The following FAM168A variants were observed in gnomAD, a reference collection of about 807,000 sequenced individuals.
FAM168A encodes the protein family with sequence similarity 168 member A.
In FAM168A, 3 loss-of-function variants were observed where a neutral mutation model predicts 28.5. The ratio of observed to expected loss-of-function variants is 0.11; its 90% confidence interval spans 0.05 to 0.27. The LOEUF is 0.27. Among genes scored for constraint, FAM168A ranks in the 10% least tolerant of loss-of-function variants. The pLI is 1.00. For synonymous variants in FAM168A, 122 were observed against 124.2 expected, an observed-to-expected ratio of 0.98 and a Z score of 0.12; for missense variants, 222 against 311.5, an observed-to-expected ratio of 0.71 and a Z score of 2.16.
chr11:73,572,895 A>T (rs1408693362), intron 1 of FAM168A, among the ~76,000 whole-genome samples: 2 of 135,880 alleles, frequency 1.5e-5, no homozygotes, highest in Non-Finnish European at 3.2e-5. Context: ...TAAATAAATA[A>T]TTAATTAAAC....
chr11:73,570,883 T>C (rs962761007), intron 1 of FAM168A, among the ~76,000 whole-genome samples: 3 of 152,208 alleles, frequency 2.0e-5, no homozygotes, highest in African/African-American at 7.2e-5. Flanking sequence ...CTGGGGCCTA[T>C]GGAAACCCAT....
chr11:73,525,983 C>T (rs1278047954), intron 1 of FAM168A, among the ~76,000 whole-genome samples: 1 of 152,102 alleles, frequency 6.6e-6, no homozygotes, highest in Admixed American at 6.6e-5. Flanking sequence ...TAAATTTTAA[C>T]TGGTAGTGTT....
intron 3 of FAM168A, among the ~76,000 whole-genome samples, chr11:73,422,749 T>C (rs1019396678): frequency 6.6e-6 from 1 of 152,128 alleles, no homozygotes; most frequent in Non-Finnish European, 1.5e-5. Context: ...AAGTGTACTT[T>C]ATATACTTTG....
chr11:73,474,238 G>C (rs753766830), intron 1 of FAM168A, among the ~76,000 whole-genome samples: 57 of 152,296 alleles, frequency 3.7e-4, no homozygotes, highest in Non-Finnish European at 6.9e-4. Context: ...CCAAGATCAA[G>C]GGGACGGCAT....
chr11:73,546,705 C>T (rs1943758168), intron 1 of FAM168A, among the ~76,000 whole-genome samples: 1 of 146,020 alleles, frequency 6.8e-6, no homozygotes, highest in Non-Finnish European at 1.5e-5. Flanking sequence ...GCACTCTAGC[C>T]TGGGCAACAA....
In FAM168A at chr11:73,539,990, C is replaced by A. The variant is rs146082949; in HGVS notation, c.-19+57933G>T. 5.6e-4 allele frequency among the ~76,000 whole-genome samples: 86 copies of A among 152,338 alleles called. 1 individual carries two copies. Among genetic ancestry groups the A allele is most frequent in the African/African-American group, 2.0e-3 (82 of 41,590 alleles). ...GATGACAGAATTGCACATGCAGTTT[C>A]TTTCCATAATAAATGAATATATCGG... On this transcript the variant is annotated intron_variant, in intron 1 of 7. Coordinates refer to ENST00000356467, the MANE Select transcript of FAM168A (RefSeq NM_015159.3).
At chr11:73,569,805 TAG>T (rs1230514572) in intron 1 of FAM168A, among the ~76,000 whole-genome samples, 4 of 147,922 alleles carry the variant, frequency 2.7e-5, no homozygotes, top group Admixed American at 6.8e-5. Context: ...GCCTGGGCAA[TAG>T]AGTGAGACTC....
intron 1 of FAM168A, among the ~76,000 whole-genome samples, chr11:73,573,967 G>A (rs541579603): frequency 2.0e-5 from 3 of 150,712 alleles, no homozygotes; most frequent in African/African-American, 7.3e-5. Flanking sequence ...ATACCAAGGG[G>A]CAGGGGTGGG....
chr11:73,511,189 C>T (rs1031180152), intron 1 of FAM168A, among the ~76,000 whole-genome samples: 1 of 151,064 alleles, frequency 6.6e-6, no homozygotes, highest in Non-Finnish European at 1.5e-5. Flanking sequence ...TTTTTTTTTT[C>T]CTCCCTCGGG....
chr11:73,552,572 CTTT>C (rs1943841916), intron 1 of FAM168A, among the ~76,000 whole-genome samples: 1 of 152,292 alleles, frequency 6.6e-6, no homozygotes, highest in African/African-American at 2.4e-5. Flanking sequence ...ACTACAGTTT[CTTT>C]ATTTGCTGTT....
intron 1 of FAM168A, among the ~76,000 whole-genome samples, chr11:73,522,587 C>G (rs1433964720): frequency 1.3e-5 from 2 of 151,918 alleles, no homozygotes; most frequent in Non-Finnish European, 2.9e-5. Flanking sequence ...CCACCCACCT[C>G]AGCCTCCCAA....
At chr11:73,471,920 G>T (rs901936507) in intron 1 of FAM168A, among the ~76,000 whole-genome samples, 1 of 152,160 alleles carries the variant, frequency 6.6e-6, no homozygotes, top group African/African-American at 2.4e-5. Flanking sequence ...TCCATGGCCT[G>T]CTAGGAACCA....
In FAM168A at chr11:73,430,312, G is replaced by T. The variant is rs60996566; in HGVS notation, c.151+378C>A. 4.2e-3 allele frequency: 1,134 copies of T among 272,486 alleles called. 15 individuals carry two copies. The highest frequency in any genetic ancestry group is 0.025 in the African/African-American group (1,086 of 42,994). 16.9% of individuals were successfully genotyped at this position (272,486 alleles called of 1,614,324 possible). On this transcript the variant is annotated intron_variant, in intron 3 of 7. Transcript: ENST00000356467. ...TGTGTGTGTGTGTGTGTCCCAAGGGGTGTGTGGGTGTGTGTGTGTCCCAAG... is the reference window on the plus strand; with the variant it reads ...TGTGTGTGTGTGTGTGTCCCAAGGGTTGTGTGGGTGTGTGTGTGTCCCAAG...
chr11:73,431,684 C>T (rs1468312656), intron 2 of FAM168A, among the ~76,000 whole-genome samples: 1 of 152,182 alleles, frequency 6.6e-6, no homozygotes, highest in African/African-American at 2.4e-5. Flanking sequence ...CCACAATCAG[C>T]TCTCAAGAGT....
intron 1 of FAM168A, among the ~76,000 whole-genome samples, chr11:73,495,502 C>T (rs1000241104): frequency 1.3e-5 from 2 of 152,300 alleles, no homozygotes; most frequent in South Asian, 4.1e-4. Context: ...CACTGGGGTG[C>T]TCTTCCAGCC....
At chr11:73,484,091 T>C (rs562046428) in intron 1 of FAM168A, among the ~76,000 whole-genome samples, 2 of 152,304 alleles carry the variant, frequency 1.3e-5, no homozygotes, top group Admixed American at 6.5e-5. Flanking sequence ...CCTCCCTCCT[T>C]ATCTTCAGTC....
chr11:73,450,696 T>C (rs1387164886), intron 2 of FAM168A, among the ~76,000 whole-genome samples: 1 of 129,728 alleles, frequency 7.7e-6, no homozygotes, highest in Non-Finnish European at 1.6e-5. Context: ...TAAACAGCAA[T>C]AGTGACAGGT....
intron 4 of FAM168A, among the ~76,000 whole-genome samples, chr11:73,417,471 A>AT: frequency 6.6e-6 from 1 of 151,570 alleles, no homozygotes; most frequent in East Asian, 1.9e-4. Context: ...GTATATCCCT[A>AT]TTTTTATATA....
Position 73,498,251 on chromosome 11 carries a change from T to G in FAM168A, c.-18-29759A>C, listed in dbSNP as rs141344215. 4.7e-4 allele frequency among the ~76,000 whole-genome samples: 71 copies of G among 152,098 alleles called. 1 individual carries two copies. The Middle Eastern group carries it at 0.01, about 22-fold the overall frequency. On this transcript the variant is annotated intron_variant, in intron 1 of 7. Coordinates refer to ENST00000356467, the MANE Select transcript of FAM168A (RefSeq NM_015159.3). ...ATCAAAATTGACTAGAAGGCTGGCG[T>G]GACCCATGGAGAAAAGGAAGAGCAG...
Sources: allele counts gnomAD v4.1 joint callset (sites outside exome capture counted in the v4.1 genomes callset), GRCh38; gene constraint gnomAD v4.1.1; transcripts MANE v1.5; gene names NCBI Gene and HGNC (gene_info 2026-07-23, HGNC 2026-07-21).